The following NEB variants were observed in gnomAD, a reference collection of about 807,000 sequenced individuals.
NEB encodes the protein nebulin, also known as nemaline myopathy type 2.
In NEB, 512 loss-of-function variants were observed where a neutral mutation model predicts 952.2. The ratio of observed to expected loss-of-function variants is 0.54; its 90% CI spans 0.50 to 0.58. NEB has a LOEUF of 0.58. NEB is among the 20% of genes least tolerant of loss of function. The pLI is 0.00. For synonymous variants in NEB, 2,900 were observed against 3,149.8 expected, an observed-to-expected ratio of 0.92 and a Z score of 2.66; for missense variants, 8,428 against 9,231.1, an observed-to-expected ratio of 0.91 and a Z score of 3.56.
In NEB at chr2:151,642,630, G is replaced by A. The variant is rs776175154; in HGVS notation, c.8317C>T (p.Arg2773Trp). Residue 2773 changes from arginine to tryptophan, a missense_variant, in exon 60 of 182, where the codon CGG becomes TGG. Physicochemically the swap from Arg to Trp is moderately radical, Grantham distance 101. Transcript: ENST00000397345. ...EEAKRKGYDMRVDAIPIKAAK... is the reference protein window; with the variant it reads ...EEAKRKGYDMWVDAIPIKAAK... ...GCCTTGATAGGAATGGCATCTACCCGCATGTCATAACCTTTCCTCTTGGCT... is the reference window on the plus strand; with the variant it reads ...GCCTTGATAGGAATGGCATCTACCCACATGTCATAACCTTTCCTCTTGGCT... 1.4e-5 allele frequency: 23 copies of A among 1,613,694 alleles called. 1 individual carries two copies. The highest frequency in any genetic ancestry group is 8.8e-5 in the South Asian group (8 of 91,066).
intron 28 of NEB, among the ~76,000 whole-genome samples, chr2:151,684,308 A>T (rs2099467785): frequency 6.6e-6 from 1 of 152,316 alleles, no homozygotes; most frequent in African/African-American, 2.4e-5. Context: ...AGAAGTTCTG[A>T]TCTGCAGAAA....
intron 12 of NEB, among the ~76,000 whole-genome samples, chr2:151,707,934 A>G (rs974015475): frequency 1.3e-5 from 2 of 152,264 alleles, no homozygotes; most frequent in African/African-American, 4.8e-5. Flanking sequence ...TTTCCACCTT[A>G]GAGAATTAAC....
intron 12 of NEB, 21 bp from the exon 13 acceptor site, chr2:151,707,018 G>T: frequency 6.8e-7 from 1 of 1,472,394 alleles, no homozygotes. Flanking sequence ...GAAATAAAAT[G>T]ATAAAGTAAC....
chr2:151,524,595 T>C lies in NEB; in HGVS notation c.22294A>G (p.Lys7432Glu), dbSNP rs764956293. ...ACTGTGGTGTAATGCAGGTTCTCTT[T>C]GGCATCTTTTCTGTAAGCGACCTTT... ...QSDVAYRKDA[K>E]ENLHYTTVAD... is the part of the protein sequence containing the mutation. The change falls in exon 152 of 182, where the codon AAA (lysine) becomes GAA (glutamate). Residue 7432 changes from lysine to glutamate, a missense_variant. Lys to Glu is a moderately conservative substitution (Grantham distance 56). Coordinates refer to ENST00000397345, the MANE Select transcript of NEB (RefSeq NM_001164508.2). The C allele has an allele frequency of 6.2e-7, 1 of 1,613,260 alleles. No individual in the cohort carries two copies. Among genetic ancestry groups the C allele is most frequent in the Non-Finnish European group, 8.5e-7 (1 of 1,179,702 alleles).
chr2:151,567,740 A>G (rs546253308), intron 113 of NEB, among the ~76,000 whole-genome samples: 1 of 152,308 alleles, frequency 6.6e-6, no homozygotes, highest in African/African-American at 2.4e-5. Context: ...GAGAAAAAAT[A>G]TATACTTGTT....
chr2:151,687,684 A>G lies in NEB; in HGVS notation c.2465T>C (p.Ile822Thr). The change falls in exon 26 of 182, where the codon ATT (isoleucine) becomes ACT (threonine). Residue 822 changes from isoleucine to threonine, a missense_variant. Ile to Thr is a moderately conservative substitution (Grantham distance 89). Transcript: ENST00000397345. ...WEKSKAKKFD[I>T]KVDAIPLLAA... ...CAACAGGGGAATGGCGTCCACTTTA[A>G]TGTCAAACTTCTTGGCTTTGCTCTT... 2 of 1,605,690 alleles carry G rather than the reference A, an allele frequency of 1.2e-6. No individual in the cohort carries two copies. Among genetic ancestry groups the G allele is most frequent in the South Asian group, 1.1e-5 (1 of 90,156 alleles).
chr2:151,727,606 C>T (rs1247172619), intron 5 of NEB, 85 bp downstream of exon 5: 3 of 1,348,576 alleles, frequency 2.2e-6, no homozygotes, highest in Non-Finnish European at 3.0e-6. Flanking sequence ...AGAAACAAAT[C>T]CAGCCAGCAT....
chr2:151,607,121 G>A (rs1338620003), intron 83 of NEB, among the ~76,000 whole-genome samples: 2 of 103,354 alleles, frequency 1.9e-5, no homozygotes, highest in African/African-American at 5.1e-5. Context: ...TTGTGACATA[G>A]ATATCATACC....
chr2:151,537,792 A>G, intron 140 of NEB, 80 bp downstream of exon 140: 1 of 899,142 alleles, frequency 1.1e-6, no homozygotes, highest in Non-Finnish European at 1.6e-6. Context: ...GAGTTTCTTC[A>G]GTTTTTATGC....
intron 8 of NEB, 119 bp downstream of exon 8, chr2:151,724,141 C>T: frequency 3.8e-6 from 3 of 791,666 alleles, no homozygotes; most frequent in Non-Finnish European, 6.2e-6. Context: ...TGTCTCAAGG[C>T]TACTCATAAA....
chr2:151,672,584 C>T lies in NEB; in HGVS notation c.4084G>A (p.Ala1362Thr). The change falls in exon 37 of 182, where the codon GCA becomes ACA. Residue 1362 changes from alanine to threonine, a missense_variant. This residue lies in a region of NEB where 2,851 missense variants were observed against 2,791.5 expected (regional missense o/e 1.02). Coordinates refer to ENST00000397345, the MANE Select transcript of NEB (RefSeq NM_001164508.2). ...TATTCACGATCAGACTGCAGCTTTGCCACATTCATATAGTGGACCAGCTTG... is the reference window on the plus strand; with the variant it reads ...TATTCACGATCAGACTGCAGCTTTGTCACATTCATATAGTGGACCAGCTTG... Reference protein sequence around the residue: ...DPKLVHYMNVAKLQSDREYKK... With the variant: ...DPKLVHYMNVTKLQSDREYKK... 2 of 1,613,972 alleles carry T rather than the reference C, an allele frequency of 1.2e-6. No individual in the cohort carries two copies. Among genetic ancestry groups the T allele is most frequent in the East Asian group, 2.2e-5 (1 of 44,888 alleles).
chr2:151,734,448 C>A lies in NEB; in HGVS notation c.-164G>T, dbSNP rs1381695694. On this transcript the variant is annotated 5_prime_UTR_variant, in exon 1 of 182. Coordinates refer to ENST00000397345, the MANE Select transcript of NEB (RefSeq NM_001164508.2). ...CAGCAGCAAAGCCTCTCCCAACTCT[C>A]CCCTCCTGAGAACCCCAGGCAAAAG... 1 of 152,180 alleles carries A rather than the reference C, an allele frequency of 6.6e-6. No individual in the cohort carries two copies. Among genetic ancestry groups the A allele is most frequent in the African/African-American group, 2.4e-5 (1 of 41,440 alleles). 9.4% of individuals were successfully genotyped at this position (152,180 alleles called of 1,614,324 possible). A position where few individuals can be genotyped will look rare whatever the true frequency, so the allele number is the denominator to read the frequency against.
intron 10 of NEB, chr2:151,716,015 T>A (rs2099757937): frequency 3.6e-6 from 1 of 278,948 alleles, no homozygotes; most frequent in South Asian, 3.6e-5. Context: ...AATAAACATT[T>A]AAAAATAGAT....
At chr2:151,495,931 G>T (rs2059877831) in intron 173 of NEB, among the ~76,000 whole-genome samples, 1 of 152,120 alleles carries the variant, frequency 6.6e-6, no homozygotes. Context: ...AGCCGCATTG[G>T]ACCTACTCCA....
chr2:151,513,408 TG>T (rs2075850319), intron 160 of NEB, among the ~76,000 whole-genome samples, 171 bp downstream of exon 160: 1 of 152,178 alleles, frequency 6.6e-6, no homozygotes, highest in African/African-American at 2.4e-5. Context: ...GCAATGAGCC[TG>T]GCAAAGGGTC....
rs1260771373 is a variant in NEB at position 151,568,268 on chromosome 2, G to A, written c.17736+48C>T. On this transcript the variant is annotated intron_variant, in intron 112 of 181. Transcript: ENST00000397345. ...CATAATTATCCTACAGTTCCATTAA[G>A]GCCCTCCACTCGTACACAAACACCA... The A allele has an allele frequency of 1.6e-5, 26 of 1,595,110 alleles. No individual in the cohort carries two copies. The East Asian group carries it at 5.8e-4, about 36-fold the overall frequency.
At position 151,691,542 on chromosome 2, in the gene NEB, T is replaced by G. The variant is rs181116715; in HGVS notation, c.2211+322A>C. Among the ~76,000 whole-genome samples, 7 of 152,324 alleles carry G rather than the reference T, an allele frequency of 4.6e-5. No individual in the cohort carries two copies. The East Asian group carries it at 1.3e-3, about 29-fold the overall frequency. On this transcript the variant is annotated intron_variant, in intron 23 of 181. Coordinates refer to ENST00000397345, the MANE Select transcript of NEB (RefSeq NM_001164508.2). ...CTGTCTTTCTCAGCACCAAGGAAAG[T>G]GCCTGGCCCAGCATGGCTTCTCACA... is the stretch of plus-strand genomic sequence containing the variant.
At chr2:151,609,736 C>A in intron 81 of NEB, 73 bp downstream of exon 81, 1 of 1,443,170 alleles carries the variant, frequency 6.9e-7, no homozygotes, top group South Asian at 1.4e-5. Context: ...GGACTGTCCT[C>A]AGAGGCACTG....
At position 151,610,851 on chromosome 2, in the gene NEB, C is replaced by G; in HGVS notation, c.11821G>C (p.Ala3941Pro). The G allele has an allele frequency of 6.3e-7, 1 of 1,595,592 alleles. No individual in the cohort carries two copies. Among genetic ancestry groups the G allele is most frequent in the Non-Finnish European group, 8.5e-7 (1 of 1,170,214 alleles). ...LTMSKHLYTE[A>P]WDADKTSIHV... ...ATGGAGGTTTTGTCAGCATCCCAAG[C>G]TTCTGTGTATAAATGCTACAGGGCA... Residue 3941 changes from alanine to proline, a missense_variant, in exon 79 of 182, where the codon GCT (alanine) becomes CCT (proline). Transcript: ENST00000397345.
Sources: allele counts gnomAD v4.1 joint callset (sites outside exome capture counted in the v4.1 genomes callset), GRCh38; gene constraint gnomAD v4.1.1; regional missense constraint gnomAD v4.1.1; transcripts MANE v1.5; gene names NCBI Gene and HGNC (gene_info 2026-07-23, HGNC 2026-07-21).